The following DIDO1 variants were observed in gnomAD, a reference collection of about 807,000 sequenced individuals.
DIDO1 encodes the protein death inducer-obliterator 1, also known as death-inducer obliterator 1.
A neutral mutation model predicts 99.4 loss-of-function variants in DIDO1; 16 were observed. That is an observed-to-expected ratio of 0.16 (90% CI 0.11 to 0.24). DIDO1 has a LOEUF of 0.24. Among genes scored for constraint, DIDO1 ranks in the 10% least tolerant of loss-of-function variants. DIDO1 has a pLI of 1.00. For synonymous variants in DIDO1, 1,366 were observed against 1,239.1 expected, an observed-to-expected ratio of 1.10 and a Z score of -2.15; for missense variants, 2,996 against 3,014.0, an observed-to-expected ratio of 0.99 and a Z score of 0.14.
At chr20:62,924,034 T>C (rs1269103486) in intron 1 of DIDO1, among the ~76,000 whole-genome samples, 12 of 152,266 alleles carry the variant, frequency 7.9e-5, no homozygotes, top group Admixed American at 7.8e-4. Context: ...CACAGATGAC[T>C]GTGTACACGT....
At chr20:62,926,086 G>A (rs1322799828) in intron 1 of DIDO1, among the ~76,000 whole-genome samples, 2 of 151,828 alleles carry the variant, frequency 1.3e-5, no homozygotes, top group East Asian at 1.9e-4. Flanking sequence ...ACTCGCCCAG[G>A]CCAGCCCTGC....
chr20:62,920,095 C>G (rs769831161), intron 1 of DIDO1, among the ~76,000 whole-genome samples: 1 of 152,160 alleles, frequency 6.6e-6, no homozygotes, highest in Non-Finnish European at 1.5e-5. Context: ...TAAAAGATTA[C>G]CACTTGGGCC....
chr20:62,909,627 T>C (rs539090546), intron 4 of DIDO1, 72 bp downstream of exon 4: 94 of 1,566,168 alleles, frequency 6.0e-5, no homozygotes, highest in Admixed American at 5.3e-4. Flanking sequence ...CTGGGAGGAA[T>C]TTCTATCTAG....
rs2147405589 is a variant in DIDO1, at chr20:62,894,665, A to G, written c.2437-117T>C. 2 of 1,434,786 alleles carry G rather than the reference A, an allele frequency of 1.4e-6. No individual in the cohort carries two copies. The highest frequency in any genetic ancestry group is 5.1e-4 in the Middle Eastern group (2 of 3,954). 88.9% of individuals were successfully genotyped at this position (1,434,786 alleles called of 1,614,324 possible). ...TGAGACCCACGGGGGAGAAAAAAGG[A>G]CCATCTAATACAAGGACTGAGGAAT... On this transcript the variant is annotated intron_variant, in intron 10 of 15. Transcript: ENST00000395343. This position sits in a 1 kb window ranked among gnomAD's most constrained non-coding sequence, Gnocchi z 4.4.
chr20:62,908,756 G>A (rs1197542246), intron 4 of DIDO1, among the ~76,000 whole-genome samples: 1 of 152,202 alleles, frequency 6.6e-6, no homozygotes, highest in Admixed American at 6.5e-5. Context: ...CTACTTGGGA[G>A]GCTAAGGTGG....
Position 62,893,820 on chromosome 20 carries a change from C to T in DIDO1, c.2947G>A (p.Ala983Thr), listed in dbSNP as rs139980026. Residue 983 changes from alanine (A) to threonine (T), a missense_variant, in exon 12 of 16, where the codon GCA (alanine) becomes ACA (threonine). Around this residue, in one of 5 missense-constraint regions of DIDO1, gnomAD observed 898 missense variants for 972.7 expected, o/e 0.92. Coordinates refer to ENST00000395343, the MANE Select transcript of DIDO1 (RefSeq NM_001193369.2). Reference protein sequence around the residue: ...SSSCTAVASAASRPDSTHMVE... With the variant: ...SSSCTAVASATSRPDSTHMVE... The stretch of plus-strand genomic sequence containing the variant: ...ATGTGGGTGCTGTCTGGGCGGGATG[C>T]TGCGGAGGCCACGGCTGTGCATGAA... The T allele has an allele frequency of 2.5e-6, 4 of 1,613,976 alleles. No individual in the cohort carries two copies. In the African/African-American group the frequency reaches 5.3e-5, roughly 22 times the overall value.
In DIDO1 at chr20:62,910,916, C is replaced by T; in HGVS notation, c.697G>A (p.Asp233Asn). The T allele has an allele frequency of 1.2e-6, 2 of 1,614,198 alleles. No homozygotes were observed. The highest frequency in any genetic ancestry group is 1.7e-6 in the Non-Finnish European group (2 of 1,180,042). The change falls in exon 3 of 16, where the codon GAC (aspartate) becomes AAC (asparagine). Residue 233 changes from aspartate to asparagine, a missense_variant. Transcript: ENST00000395343. ...TTTCCCTCCAACTTACTCTCTCTGT[C>T]ATCTTTCCCAGCCTGGGACACAACC... ...QGVVSQAGKD[D>N]RESKLEGKAA... is the part of the protein sequence containing the mutation.
chr20:62,911,377 G>C lies in DIDO1; in HGVS notation c.236C>G (p.Thr79Ser). The change falls in exon 3 of 16, where the codon ACC becomes AGC. Residue 79 changes from threonine (T) to serine (S), a missense_variant. Thr to Ser is a moderately conservative substitution (Grantham distance 58). This residue lies in a region of DIDO1 where 388 missense variants were observed against 376.6 expected (regional missense o/e 1.03). Transcript: ENST00000395343. This position sits in a 1 kb window ranked among gnomAD's most constrained non-coding sequence, Gnocchi z 7.0. ...KRTERVEQFL[T>S]IARRRGRRSM... is the part of the protein sequence containing the mutation. Reference sequence around the variant, plus strand: ...CCTCCTGCCGCGGCGCCGCGCAATGGTCAGGAACTGCTCCACGCGCTCAGT... The same window carrying C: ...CCTCCTGCCGCGGCGCCGCGCAATGCTCAGGAACTGCTCCACGCGCTCAGT... 1.2e-6 allele frequency: 2 copies of C among 1,612,118 alleles called. No homozygotes were observed. The highest frequency in any genetic ancestry group is 1.7e-6 in the Non-Finnish European group (2 of 1,179,906).
intron 1 of DIDO1, among the ~76,000 whole-genome samples, chr20:62,933,185 T>C (rs1400072243): frequency 6.6e-6 from 1 of 152,190 alleles, no homozygotes; most frequent in African/African-American, 2.4e-5. Context: ...CACTCCAGCC[T>C]GGGCAACAAG....
rs750484552 is a variant in DIDO1, at chr20:62,880,937, C to T, written c.5019G>A (p.Pro1673=). The T allele has an allele frequency of 1.2e-5, 20 of 1,608,574 alleles. No individual in the cohort carries two copies. The African/African-American group carries it at 1.7e-4, about 14-fold the overall frequency. ...GGTCCCTCTCACCGTCGTGCTGCAG[C>T]GGGAAGCCGGGCTGCAGGGCGCCGC... ...PPCGALQPGF[P]LQHDGERDPF... is the part of the protein sequence containing the mutation. The change falls in exon 16 of 16, where the codon CCG becomes CCA. Residue 1673 remains proline (P), a synonymous_variant. Coordinates refer to ENST00000395343, the MANE Select transcript of DIDO1 (RefSeq NM_001193369.2).
chr20:62,892,206 A>C (rs931331431), intron 13 of DIDO1, 130 bp from the exon 14 acceptor site: 7 of 781,142 alleles, frequency 9.0e-6, no homozygotes, highest in Non-Finnish European at 1.4e-5. Context: ...AAAGAGTCAC[A>C]CTTGTATTAA....
chr20:62,916,494 A>G (rs1438204038), intron 1 of DIDO1, among the ~76,000 whole-genome samples: 1 of 152,202 alleles, frequency 6.6e-6, no homozygotes, highest in Non-Finnish European at 1.5e-5. Flanking sequence ...GTTTATGTGG[A>G]ATGTATTGCT....
At chr20:62,907,787 C>A (rs1012577274) in intron 4 of DIDO1, among the ~76,000 whole-genome samples, 1 of 152,328 alleles carries the variant, frequency 6.6e-6, no homozygotes, top group East Asian at 1.9e-4. Flanking sequence ...AAAAAAGGAA[C>A]TGGGTCTTTC....
intron 15 of DIDO1, 58 bp from the exon 16 acceptor site, chr20:62,882,472 G>A: frequency 6.6e-7 from 1 of 1,509,362 alleles, no homozygotes; most frequent in Admixed American, 2.0e-5. Context: ...TTACCCTTTA[G>A]AGGTGAATTT....
Position 62,907,329 on chromosome 20 carries a change from T to C in DIDO1, c.1192A>G (p.Ile398Val). 6.2e-7 allele frequency: 1 copy of C among 1,614,150 alleles called. No individual in the cohort carries two copies. Among genetic ancestry groups the C allele is most frequent in the Non-Finnish European group, 8.5e-7 (1 of 1,180,052 alleles). ...GCCACGTGACAGCACCCGGGGCCAA[T>C]ACATTTTGAGGCACCAGGCGCCTCT... ...VIEAPGASKC[I>V]GPGCCHVAQP... Residue 398 changes from isoleucine to valine, a missense_variant, in exon 5 of 16, where the codon ATT (isoleucine) becomes GTT (valine). Around this residue, in one of 5 missense-constraint regions of DIDO1, gnomAD observed 898 missense variants for 972.7 expected, o/e 0.92. Transcript: ENST00000395343.
Position 62,880,107 on chromosome 20 carries a change from C to A in DIDO1, c.5849G>T (p.Gly1950Val), listed in dbSNP as rs779962631. Residue 1950 changes from glycine (G) to valine (V), a missense_variant, in exon 16 of 16, where the codon GGC (glycine) becomes GTC (valine). Physicochemically the swap from Gly to Val is moderately radical, Grantham distance 109. Coordinates refer to ENST00000395343, the MANE Select transcript of DIDO1 (RefSeq NM_001193369.2). ...ACCTGGCATAAAGTTAGGCGCTTGG[C>A]CTCTGGGTCCTTCAAACTGGTTGGG... is the stretch of plus-strand genomic sequence containing the variant. ...PHPNQFEGPR[G>V]QAPNFMPGPR... 3 of 1,612,430 alleles carry A rather than the reference C, an allele frequency of 1.9e-6. No homozygotes were observed. In the African/African-American group the frequency reaches 4.0e-5, roughly 22 times the overall value.
intron 1 of DIDO1, among the ~76,000 whole-genome samples, chr20:62,932,288 T>A (rs1174744555): frequency 3.3e-5 from 5 of 152,074 alleles, no homozygotes; most frequent in Non-Finnish European, 7.4e-5. Flanking sequence ...AGCCCAGGAG[T>A]TGAAGGCCAG....
At position 62,877,939 on chromosome 20, in the gene DIDO1, CCTT is replaced by C. The variant is rs1275662673; in HGVS notation, c.*1291_*1293del. The C allele has an allele frequency of 4.6e-5, 7 of 152,144 alleles. No individual in the cohort carries two copies. The highest frequency in any genetic ancestry group is 7.3e-5 in the Non-Finnish European group (5 of 68,030). 9.4% of individuals were successfully genotyped at this position (152,144 alleles called of 1,614,324 possible). On this transcript the variant is annotated 3_prime_UTR_variant, in exon 16 of 16. Transcript: ENST00000395343. The stretch of plus-strand genomic sequence containing the variant: ...TGCTTTATATGTTAAACAAACAAAA[CCTT>C]CTCATCGTACTAGATGTTGGAACGT...
chr20:62,934,595 C>T (rs2065363523), intron 1 of DIDO1, among the ~76,000 whole-genome samples: 2 of 152,192 alleles, frequency 1.3e-5, no homozygotes, highest in Admixed American at 1.3e-4. Context: ...GCTCACTGCT[C>T]ACTTCTCAGT....
Sources: gnomAD v4.1 joint callset for allele counts (sites outside exome capture counted in the v4.1 genomes callset) on GRCh38, gnomAD v4.1.1 for gene constraint, gnomAD v4.1.1 regional missense constraint, Gnocchi (gnomAD v3.1) non-coding constraint, MANE v1.5 for transcripts, NCBI Gene and HGNC (gene_info 2026-07-23, HGNC 2026-07-21) for gene names.